The following DNAH11 variants were observed in gnomAD, a reference collection of about 807,000 sequenced individuals.
DNAH11 encodes dynein axonemal heavy chain 11.
Under a neutral mutation model 526.0 loss-of-function variants are expected in DNAH11, and 442 were observed. That is an observed-to-expected ratio of 0.84 (90% CI 0.78 to 0.91). DNAH11 has a LOEUF of 0.91. DNAH11 is among the 40% of genes least tolerant of loss of function. DNAH11 has a pLI of 0.00. For missense variants in DNAH11, 6,989 were observed against 5,448.7 expected (o/e 1.28, Z -8.90); for synonymous variants, 2,461 against 1,935.9 (o/e 1.27, Z -7.12).
rs983910292 is a variant in DNAH11, at chr7:21,671,153, A to G, written c.5329-10393A>G. On this transcript the variant is annotated intron_variant, in intron 30 of 81. Coordinates refer to ENST00000409508, the MANE Select transcript of DNAH11 (RefSeq NM_001277115.2). ...TTTTTATTGTAAATTGATTTCTTTTATACATATGCAGCTGTTTAGTTTTTT... is the reference window on the plus strand; with the variant it reads ...TTTTTATTGTAAATTGATTTCTTTTGTACATATGCAGCTGTTTAGTTTTTT... 7.9e-5 allele frequency among the ~76,000 whole-genome samples: 12 copies of G among 152,118 alleles called. 1 individual carries two copies. The highest frequency in any genetic ancestry group is 1.2e-4 in the Non-Finnish European group (8 of 68,026).
chr7:21,638,040 G>A (rs181027144), intron 27 of DNAH11, among the ~76,000 whole-genome samples: 11 of 152,254 alleles, frequency 7.2e-5, no homozygotes, highest in Admixed American at 7.2e-4. Flanking sequence ...ATTGCACTCC[G>A]TTAATGTAGT....
At chr7:21,742,931 T>A (rs1168776860) in intron 49 of DNAH11, among the ~76,000 whole-genome samples, 1 of 152,214 alleles carries the variant, frequency 6.6e-6, no homozygotes, top group African/African-American at 2.4e-5. Flanking sequence ...AGATTCAGTG[T>A]CTGGTGAGGG....
chr7:21,697,064 A>T (rs1278721782), intron 35 of DNAH11, among the ~76,000 whole-genome samples: 1 of 152,200 alleles, frequency 6.6e-6, no homozygotes, highest in Non-Finnish European at 1.5e-5. Flanking sequence ...AGATACTTTA[A>T]GGTTAGATGT....
chr7:21,610,230 G>T (rs1234333069), intron 20 of DNAH11, among the ~76,000 whole-genome samples: 1 of 152,138 alleles, frequency 6.6e-6, no homozygotes, highest in African/African-American at 2.4e-5. Flanking sequence ...CTCCAGCCTG[G>T]GCGACAGTGC....
At chr7:21,783,453 AAT>A (rs952408834) in intron 57 of DNAH11, among the ~76,000 whole-genome samples, 5 of 152,160 alleles carry the variant, frequency 3.3e-5, no homozygotes, top group South Asian at 2.1e-4. Context: ...CATCTGAAGA[AAT>A]ATACTTTTGT....
At chr7:21,551,745 C>A (rs1168668195) in intron 2 of DNAH11, among the ~76,000 whole-genome samples, 1 of 152,192 alleles carries the variant, frequency 6.6e-6, no homozygotes, top group Non-Finnish European at 1.5e-5. Flanking sequence ...AAGGTTTGGT[C>A]TAACTTTTCT....
chr7:21,565,949 T>G (rs960544298), intron 6 of DNAH11, among the ~76,000 whole-genome samples: 1 of 152,170 alleles, frequency 6.6e-6, no homozygotes, highest in Non-Finnish European at 1.5e-5. Flanking sequence ...TTGGGCAAAC[T>G]CAGTTTTGCC....
chr7:21,640,302 A>G (rs924587277), intron 28 of DNAH11, among the ~76,000 whole-genome samples: 1 of 152,198 alleles, frequency 6.6e-6, no homozygotes, highest in African/African-American at 2.4e-5. Flanking sequence ...TCACTACACT[A>G]TGCTTCAATA....
chr7:21,697,988 G>A lies in DNAH11; in HGVS notation c.6042-87G>A, dbSNP rs898874841. 82 of 1,354,028 alleles carry A rather than the reference G, an allele frequency of 6.1e-5. No individual in the cohort carries two copies. The Middle Eastern group carries it at 6.1e-4, about 10-fold the overall frequency. 83.9% of individuals were successfully genotyped at this position (1,354,028 alleles called of 1,614,324 possible). A position where few individuals can be genotyped will look rare whatever the true frequency, so the allele number is the denominator to read the frequency against. On this transcript the variant is annotated intron_variant, in intron 35 of 81. Transcript: ENST00000409508. The stretch of plus-strand genomic sequence containing the variant: ...TGATCTGCTTAGGAATGGTTAAAAT[G>A]TTGGTACGAAATAACCACTTGATTT...
chr7:21,730,121 T>G (rs1241549075), intron 45 of DNAH11, among the ~76,000 whole-genome samples: 1 of 152,174 alleles, frequency 6.6e-6, no homozygotes, highest in Non-Finnish European at 1.5e-5. Context: ...CAATCCCACT[T>G]CTGGGTATAT....
rs551173137 is a variant in DNAH11 at position 21,852,221 on chromosome 7, G to A, written c.10897-246G>A. On this transcript the variant is annotated intron_variant, in intron 66 of 81. Coordinates refer to ENST00000409508, the MANE Select transcript of DNAH11 (RefSeq NM_001277115.2). ...GGAGTTCGAGACCAGCTTGACCAAC[G>A]TGGTGAAACCCCGTCTCTACTAAAA... 2.6e-5 allele frequency among the ~76,000 whole-genome samples: 4 copies of A among 151,884 alleles called. No individual in the cohort carries two copies. In the South Asian group the frequency reaches 8.3e-4, roughly 32 times the overall value.
chr7:21,628,786 G>A (rs62447791), intron 25 of DNAH11, among the ~76,000 whole-genome samples: 1 of 152,120 alleles, frequency 6.6e-6, no homozygotes, highest in East Asian at 1.9e-4. Context: ...TTTGGTATCA[G>A]GGTAATGCTG....
At chr7:21,603,545 A>C (rs921994658) in intron 18 of DNAH11, among the ~76,000 whole-genome samples, 2 of 152,336 alleles carry the variant, frequency 1.3e-5, no homozygotes, top group East Asian at 1.9e-4. Context: ...GATTAAATGC[A>C]GCAGGGTATT....
At chr7:21,661,439 T>C (rs1782238928) in intron 30 of DNAH11, among the ~76,000 whole-genome samples, 1 of 152,114 alleles carries the variant, frequency 6.6e-6, no homozygotes, top group South Asian at 2.1e-4. Context: ...GAATTCTAAG[T>C]TGATAGTTTT....
At position 21,789,307 on chromosome 7, in the gene DNAH11, A is replaced by G. The variant is rs778166529; in HGVS notation, c.9991A>G (p.Thr3331Ala). ...AGCAAACTTAGAACTGGCTGCAGCT[A>G]CTGAAAAACTAGAGGCTATCAGGAA... is the stretch of plus-strand genomic sequence containing the variant. ...AQANLELAAA[T>A]EKLEAIRKKL... is the part of the protein sequence containing the mutation. The change falls in exon 61 of 82, where the codon ACT (threonine) becomes GCT (alanine). Residue 3331 changes from threonine to alanine, a missense_variant. By Grantham distance (58) the Thr-to-Ala change is moderately conservative. Coordinates refer to ENST00000409508, the MANE Select transcript of DNAH11 (RefSeq NM_001277115.2). 1.9e-6 allele frequency: 3 copies of G among 1,575,602 alleles called. No individual in the cohort carries two copies. The highest frequency in any genetic ancestry group is 2.6e-6 in the Non-Finnish European group (3 of 1,160,014).
intron 8 of DNAH11, among the ~76,000 whole-genome samples, chr7:21,574,287 G>A (rs1784002382): frequency 6.6e-6 from 1 of 152,134 alleles, no homozygotes; most frequent in African/African-American, 2.4e-5. Flanking sequence ...CTTGTTGAGG[G>A]TAACCCCTTG....
At chr7:21,797,293 C>G (rs980740899) in intron 61 of DNAH11, among the ~76,000 whole-genome samples, 1 of 148,270 alleles carries the variant, frequency 6.7e-6, no homozygotes, top group Admixed American at 6.6e-5. Flanking sequence ...GTTCTCAGCT[C>G]ATTACAACCT....
rs1205395138 is a variant in DNAH11 at position 21,745,064 on chromosome 7, G to A, written c.8510+1G>A. 6.2e-7 allele frequency: 1 copy of A among 1,603,020 alleles called. No individual in the cohort carries two copies. The highest frequency in any genetic ancestry group is 8.5e-7 in the Non-Finnish European group (1 of 1,174,478). ...TGTTTGAAGATGCCATGCAACATGT[G>A]TGAGTTAACTAGTCACGATGCTTTT... is the stretch of plus-strand genomic sequence containing the variant. On this transcript the variant is annotated splice_donor_variant, in intron 51 of 81. Transcript: ENST00000409508. LOFTEE classifies it high-confidence loss of function.
intron 65 of DNAH11, among the ~76,000 whole-genome samples, chr7:21,829,052 A>C (rs1033269368): frequency 1.3e-5 from 2 of 150,988 alleles, no homozygotes; most frequent in African/African-American, 4.9e-5. Flanking sequence ...CTAAGTAACA[A>C]CTCCCCTCTT....
Sources: allele counts gnomAD v4.1 joint callset (sites outside exome capture counted in the v4.1 genomes callset), GRCh38; gene constraint gnomAD v4.1.1; transcripts MANE v1.5; gene names NCBI Gene and HGNC (gene_info 2026-07-23, HGNC 2026-07-21).